Variants in ADGRL2 observed in about 807,000 individuals in gnomAD.
The protein encoded by ADGRL2 is adhesion G protein-coupled receptor L2, also known as calcium-independent alpha-latrotoxin receptor 2.
Under a neutral mutation model 157.4 loss-of-function variants are expected in ADGRL2, and 44 were observed. The ratio of observed to expected loss-of-function variants is 0.28; its 90% confidence interval spans 0.22 to 0.36. ADGRL2 has a LOEUF of 0.36. ADGRL2 is among the 10% of genes least tolerant of loss of function. The pLI, the probability that ADGRL2 is intolerant of heterozygous loss-of-function variation, is 1.00. For synonymous variants in ADGRL2, 585 were observed against 624.7 expected, an observed-to-expected ratio of 0.94 and a Z score of 0.95; for missense variants, 1,510 against 1,768.9, an observed-to-expected ratio of 0.85 and a Z score of 2.63.
intron 2 of ADGRL2, among the ~76,000 whole-genome samples, chr1:81,501,084 G>A (rs1232947741): frequency 6.6e-6 from 1 of 152,166 alleles, no homozygotes; most frequent in African/African-American, 2.4e-5. Context: ...AGACTAGAAA[G>A]TACTCATTAG....
At chr1:81,385,134 C>G (rs1248753195) in intron 1 of ADGRL2, among the ~76,000 whole-genome samples, 1 of 152,104 alleles carries the variant, frequency 6.6e-6, no homozygotes, top group African/African-American at 2.4e-5. Context: ...GGAGAGAATA[C>G]TTAAATTTTA....
intron 2 of ADGRL2, among the ~76,000 whole-genome samples, chr1:81,857,399 C>G (rs1187009477): frequency 2.6e-5 from 4 of 152,176 alleles, no homozygotes; most frequent in Non-Finnish European, 5.9e-5. Flanking sequence ...TGTATAAGCA[C>G]TGTTCACACT....
intron 2 of ADGRL2, among the ~76,000 whole-genome samples, chr1:81,853,740 A>G (rs541654936): frequency 1.5e-4 from 23 of 152,234 alleles, no homozygotes; most frequent in Admixed American, 1.4e-3. Context: ...CTATAACATG[A>G]TATAAGGTTA....
rs538192388 is a variant in ADGRL2 at position 81,347,299 on chromosome 1, G to A, written c.-302+40790G>A. Among the ~76,000 whole-genome samples, 4 of 152,240 alleles carry A rather than the reference G, an allele frequency of 2.6e-5. No individual in the cohort carries two copies. The East Asian group carries it at 5.8e-4, about 22-fold the overall frequency. ...GTCTGTAATCCCAGCTACTCAGGAG[G>A]CTGAGGCAGGAGAATCGCTTGAACC... On this transcript the variant is annotated intron_variant, in intron 1 of 24. Coordinates refer to the ADGRL2 transcript ENST00000370721.
chr1:81,701,161 A>T (rs1451257350), intron 1 of ADGRL2, among the ~76,000 whole-genome samples: 2 of 152,146 alleles, frequency 1.3e-5, no homozygotes, highest in African/African-American at 2.4e-5. Context: ...TATGTATGTC[A>T]TTTTCATCGG....
intron 1 of ADGRL2, among the ~76,000 whole-genome samples, chr1:81,806,131 A>G (rs1272576456): frequency 4.6e-5 from 7 of 152,054 alleles, no homozygotes; most frequent in Non-Finnish European, 7.4e-5. Flanking sequence ...ATATTGAATC[A>G]TGTGGGGTAG....
chr1:81,336,175 A>G (rs1217570088), intron 1 of ADGRL2, among the ~76,000 whole-genome samples: 1 of 152,116 alleles, frequency 6.6e-6, no homozygotes, highest in Non-Finnish European at 1.5e-5. Flanking sequence ...CCACTTCCAG[A>G]TATGTTTCAC....
At chr1:81,987,242 TC>T in intron 22 of ADGRL2, 1 of 1,490,406 alleles carries the variant, frequency 6.7e-7, no homozygotes, top group Non-Finnish European at 9.3e-7. Context: ...ACAATAATGA[TC>T]CATGTTTTTA....
intron 1 of ADGRL2, among the ~76,000 whole-genome samples, chr1:81,322,579 T>A (rs1161343410): frequency 6.6e-6 from 1 of 152,126 alleles, no homozygotes; most frequent in Non-Finnish European, 1.5e-5. Flanking sequence ...TTAGGCTAGA[T>A]TAATAGACAT....
chr1:81,747,710 T>A (rs1263173087), intron 1 of ADGRL2, among the ~76,000 whole-genome samples: 2 of 131,436 alleles, frequency 1.5e-5, no homozygotes, highest in Non-Finnish European at 1.8e-5. Context: ...TTTGTGTGTG[T>A]GTGTGTGTGT....
At chr1:81,807,949 A>ATTT (rs967264435) in intron 1 of ADGRL2, among the ~76,000 whole-genome samples, 39 of 151,780 alleles carry the variant, frequency 2.6e-4, no homozygotes, top group African/African-American at 8.9e-4. Context: ...TTAAAAGCTT[A>ATTT]TTTTATTATT....
At chr1:81,379,880 C>G (rs1040800685) in intron 1 of ADGRL2, among the ~76,000 whole-genome samples, 4 of 152,188 alleles carry the variant, frequency 2.6e-5, no homozygotes, top group African/African-American at 9.7e-5. Flanking sequence ...CATTTGGGCA[C>G]AAAGGCAGAA....
chr1:81,936,506 C>G (rs2095312799), intron 3 of ADGRL2, among the ~76,000 whole-genome samples: 1 of 151,534 alleles, frequency 6.6e-6, no homozygotes, highest in Non-Finnish European at 1.5e-5. Context: ...TTTTTTACTT[C>G]TAGTTAAAAT....
intron 1 of ADGRL2, among the ~76,000 whole-genome samples, chr1:81,390,620 C>T (rs1214628091): frequency 1.3e-5 from 2 of 152,288 alleles, no homozygotes; most frequent in Non-Finnish European, 2.9e-5. Flanking sequence ...CAGAATTTTT[C>T]CATACCTATC....
intron 3 of ADGRL2, among the ~76,000 whole-genome samples, chr1:81,693,448 C>A (rs998159079): frequency 6.6e-6 from 1 of 152,182 alleles, no homozygotes; most frequent in African/African-American, 2.4e-5. Context: ...CTAATGCATT[C>A]GTCTGCACTG....
At chr1:81,832,619 C>G (rs1217199214) in intron 1 of ADGRL2, among the ~76,000 whole-genome samples, 1 of 152,182 alleles carries the variant, frequency 6.6e-6, no homozygotes, top group Non-Finnish European at 1.5e-5. Flanking sequence ...TAATTAATGT[C>G]CTCTAGACTT....
intron 3 of ADGRL2, among the ~76,000 whole-genome samples, chr1:81,915,778 GAAAT>G (rs1428011069): frequency 6.6e-6 from 1 of 152,140 alleles, no homozygotes; most frequent in African/African-American, 2.4e-5. Context: ...GAGAGATGAA[GAAAT>G]AAGATCAAAA....
intron 3 of ADGRL2, among the ~76,000 whole-genome samples, chr1:81,685,025 TG>T (rs2083200704): frequency 6.6e-6 from 1 of 152,248 alleles, no homozygotes. Context: ...CCATGCTGTT[TG>T]GGTAACTATG....
At chr1:81,805,728 G>GT (rs201758385) in intron 1 of ADGRL2, among the ~76,000 whole-genome samples, 10,860 of 137,328 alleles carry the variant, frequency 0.079, 470 homozygotes, top group South Asian at 0.17. Flanking sequence ...TACTTTAGTG[G>GT]TTAAAAAAAA....
Sources: allele counts gnomAD v4.1 joint callset (sites outside exome capture counted in the v4.1 genomes callset), GRCh38; gene constraint gnomAD v4.1.1; transcripts MANE v1.5; gene names NCBI Gene and HGNC (gene_info 2026-07-23, HGNC 2026-07-21).